Variants in SLC24A3 observed in about 807,000 individuals in gnomAD.
SLC24A3 encodes solute carrier family 24 member 3, also known as sodium/potassium/calcium exchanger 3.
Under a neutral mutation model 75.8 loss-of-function variants are expected in SLC24A3, and 28 were observed. The observed-to-expected ratio is 0.37, with a 90% CI of 0.27 to 0.51. SLC24A3 has a LOEUF of 0.51. Ranked by LOEUF, SLC24A3 falls within the 20% of genes least tolerant of loss-of-function variation. The pLI, the probability that SLC24A3 is intolerant of heterozygous loss-of-function variation, is 0.94. For missense variants in SLC24A3, 663 were observed against 847.8 expected (o/e 0.78, Z 2.71); for synonymous variants, 372 against 334.1 (o/e 1.11, Z -1.24).
chr20:19,225,717 C>T (rs1008614257), intron 1 of SLC24A3, among the ~76,000 whole-genome samples: 7 of 152,156 alleles, frequency 4.6e-5, no homozygotes, highest in African/African-American at 1.7e-4. Flanking sequence ...GCTTTTTTCA[C>T]TCAGTACAAT....
intron 2 of SLC24A3, among the ~76,000 whole-genome samples, chr20:19,463,234 G>C (rs563957964): frequency 3.1e-4 from 47 of 152,154 alleles, no homozygotes; most frequent in South Asian, 1.5e-3. Flanking sequence ...TCTCTCTATC[G>C]TAAACACACT....
At chr20:19,583,823 G>A (rs1049847771) in intron 4 of SLC24A3, among the ~76,000 whole-genome samples, 4 of 152,164 alleles carry the variant, frequency 2.6e-5, no homozygotes, top group Non-Finnish European at 5.9e-5. Context: ...TGCGCTATCT[G>A]CGCCTCCATC....
chr20:19,340,713 A>G (rs1407578409), intron 2 of SLC24A3, among the ~76,000 whole-genome samples: 1 of 152,192 alleles, frequency 6.6e-6, no homozygotes, highest in Non-Finnish European at 1.5e-5. Context: ...CTGTGTTTCA[A>G]ATAAACATCC....
chr20:19,240,487 C>T (rs530215191), intron 1 of SLC24A3, among the ~76,000 whole-genome samples: 1 of 152,332 alleles, frequency 6.6e-6, no homozygotes, highest in Admixed American at 6.5e-5. Flanking sequence ...GTGGACAAAA[C>T]TCTGTATGTG....
chr20:19,542,705 G>A (rs2030522449), intron 3 of SLC24A3, among the ~76,000 whole-genome samples: 1 of 152,200 alleles, frequency 6.6e-6, no homozygotes, highest in African/African-American at 2.4e-5. Flanking sequence ...TGAAAGGAAT[G>A]TACCCAAGAG....
At chr20:19,492,815 T>C (rs1298684730) in intron 2 of SLC24A3, among the ~76,000 whole-genome samples, 2 of 152,118 alleles carry the variant, frequency 1.3e-5, no homozygotes, top group Non-Finnish European at 2.9e-5. Flanking sequence ...ATTTACAAAG[T>C]TTGTTCTCGT....
At chr20:19,594,935 A>C (rs1026941536) in intron 6 of SLC24A3, among the ~76,000 whole-genome samples, 1 of 152,216 alleles carries the variant, frequency 6.6e-6, no homozygotes, top group Non-Finnish European at 1.5e-5. Flanking sequence ...AAAAAATATT[A>C]AGACATTGCA....
intron 6 of SLC24A3, among the ~76,000 whole-genome samples, chr20:19,610,823 G>T (rs987998815): frequency 6.6e-6 from 1 of 152,182 alleles, no homozygotes; most frequent in Non-Finnish European, 1.5e-5. Context: ...GCCCCTTGAG[G>T]GTATCACTCC....
chr20:19,452,873 TAAATAA>T (rs1050173974), intron 2 of SLC24A3, among the ~76,000 whole-genome samples: 11 of 151,672 alleles, frequency 7.3e-5, no homozygotes, highest in Non-Finnish European at 1.3e-4. Context: ...ATACTAATAA[TAAATAA>T]AAATAAAAAT....
At chr20:19,714,273 T>G (rs2033019717) in intron 15 of SLC24A3, among the ~76,000 whole-genome samples, 1 of 151,840 alleles carries the variant, frequency 6.6e-6, no homozygotes, top group African/African-American at 2.4e-5. Context: ...GGCATAGTGG[T>G]GTGTGCCTAT....
intron 2 of SLC24A3, among the ~76,000 whole-genome samples, chr20:19,365,452 C>T (rs1374011211): frequency 2.6e-5 from 4 of 151,960 alleles, no homozygotes; most frequent in Non-Finnish European, 4.4e-5. Context: ...CACTGTGGGG[C>T]GTTTCTTTAA....
intron 3 of SLC24A3, 122 bp downstream of exon 3, chr20:19,515,686 G>A: frequency 1.0e-6 from 1 of 966,184 alleles, no homozygotes; most frequent in Non-Finnish European, 1.6e-6. Context: ...GCTGCCTGGT[G>A]GGGGTCCTTC....
At position 19,436,590 on chromosome 20, in the gene SLC24A3, C is replaced by G. The variant is rs73900121; in HGVS notation, c.272-78898C>G. ...CCCAGGAGGTCTTCTGGCTGCCTCT[C>G]TCATCATATCAGTCTTACTCTCTTT... On this transcript the variant is annotated intron_variant, in intron 2 of 16. Transcript: ENST00000328041. 3.0e-3 allele frequency among the ~76,000 whole-genome samples: 462 copies of G among 152,310 alleles called. 5 individuals carry two copies. Among genetic ancestry groups the G allele is most frequent in the African/African-American group, 0.011 (451 of 41,552 alleles).
Position 19,693,286 on chromosome 20 carries a change from C to T in SLC24A3, c.1352C>T (p.Ala451Val), listed in dbSNP as rs1477787766. 1 of 1,613,330 alleles carries T rather than the reference C, an allele frequency of 6.2e-7. No individual in the cohort carries two copies. Among genetic ancestry groups the T allele is most frequent in the Admixed American group, 1.7e-5 (1 of 59,944 alleles). The change falls in exon 13 of 17, where the codon GCG becomes GTG. Residue 451 changes from alanine (A) to valine (V), a missense_variant. By Grantham distance (64) the Ala-to-Val change is moderately conservative. Coordinates refer to ENST00000328041, the MANE Select transcript of SLC24A3 (RefSeq NM_020689.4). ...GGTAAACTGGAAACAGTGAAATGGGCGTTCACCTGGCCGCTGAGTTTCGTC... is the reference window on the plus strand; with the variant it reads ...GGTAAACTGGAAACAGTGAAATGGGTGTTCACCTGGCCGCTGAGTTTCGTC... ...PSGKLETVKW[A>V]FTWPLSFVLY...
chr20:19,474,084 C>T (rs1176854628), intron 2 of SLC24A3, among the ~76,000 whole-genome samples: 1 of 152,176 alleles, frequency 6.6e-6, no homozygotes, highest in Non-Finnish European at 1.5e-5. Flanking sequence ...TGAGGGAGCT[C>T]GCTTCATAAA....
intron 6 of SLC24A3, among the ~76,000 whole-genome samples, chr20:19,617,685 G>A (rs565567190): frequency 6.6e-4 from 101 of 152,250 alleles, no homozygotes; most frequent in African/African-American, 2.2e-3. Context: ...GTTCCCAGTG[G>A]GGAAGTTTGC....
intron 2 of SLC24A3, among the ~76,000 whole-genome samples, chr20:19,312,010 G>A (rs1317073556): frequency 6.6e-6 from 1 of 152,130 alleles, no homozygotes; most frequent in African/African-American, 2.4e-5. Flanking sequence ...TCTACTTCAT[G>A]TTTCAAACAC....
intron 1 of SLC24A3, among the ~76,000 whole-genome samples, chr20:19,266,537 G>A (rs1320697155): frequency 1.3e-5 from 2 of 152,194 alleles, no homozygotes; most frequent in Non-Finnish European, 2.9e-5. Context: ...GAAAACAGCA[G>A]ACAATTTTAT....
At chr20:19,269,294 T>A (rs1365479083) in intron 1 of SLC24A3, among the ~76,000 whole-genome samples, 1 of 152,084 alleles carries the variant, frequency 6.6e-6, no homozygotes, top group Non-Finnish European at 1.5e-5. Flanking sequence ...TATTTGGGAG[T>A]TTCTGCCTCT....
Sources: allele counts gnomAD v4.1 joint callset (sites outside exome capture counted in the v4.1 genomes callset), GRCh38; gene constraint gnomAD v4.1.1; transcripts MANE v1.5; gene names NCBI Gene and HGNC (gene_info 2026-07-23, HGNC 2026-07-21).